The following CPEB3 variants were observed in gnomAD, a reference collection of about 807,000 sequenced individuals.
The protein encoded by CPEB3 is cytoplasmic polyadenylation element binding protein 3, also known as cytoplasmic polyadenylation element-binding protein 3.
In CPEB3, 20 loss-of-function variants were observed where a neutral mutation model predicts 67.2. The observed-to-expected ratio is 0.30, with a 90% CI of 0.21 to 0.43. The LOEUF is 0.43. Ranked by LOEUF, CPEB3 falls within the 20% of genes least tolerant of loss-of-function variation. The probability of loss-of-function intolerance (pLI) is 1.00; values close to 1 mark genes in which losing one functional copy is unlikely to be tolerated. For missense variants in CPEB3, 746 were observed against 968.6 expected, an observed-to-expected ratio of 0.77 and a Z score of 3.05; for synonymous variants, 376 against 393.1, an observed-to-expected ratio of 0.96 and a Z score of 0.51.
chr10:92,258,009 C>A (rs1263548108), intron 1 of CPEB3, among the ~76,000 whole-genome samples: 1 of 151,928 alleles, frequency 6.6e-6, no homozygotes, highest in African/African-American at 2.4e-5. Flanking sequence ...GGATTACAAG[C>A]GTGAGTTATC....
At chr10:92,140,634 T>C (rs1846359399) in intron 6 of CPEB3, among the ~76,000 whole-genome samples, 1 of 148,560 alleles carries the variant, frequency 6.7e-6, no homozygotes, top group East Asian at 2.0e-4. Context: ...ACAAATGGGA[T>C]CTAATTAAAC....
At chr10:92,142,086 T>G (rs1846462808) in intron 6 of CPEB3, among the ~76,000 whole-genome samples, 1 of 151,014 alleles carries the variant, frequency 6.6e-6, no homozygotes, top group Non-Finnish European at 1.5e-5. Context: ...TATATTAACT[T>G]ATTTTTGTGG....
At chr10:92,060,154 T>G (rs1204645689) in intron 9 of CPEB3, among the ~76,000 whole-genome samples, 1 of 151,816 alleles carries the variant, frequency 6.6e-6, no homozygotes, top group East Asian at 1.9e-4. Context: ...GTCAGGAATT[T>G]GAGACCAGCC....
At chr10:92,085,450 C>T (rs1232612963) in intron 8 of CPEB3, among the ~76,000 whole-genome samples, 7 of 152,108 alleles carry the variant, frequency 4.6e-5, no homozygotes, top group Non-Finnish European at 7.4e-5. Context: ...TTGTGATGAG[C>T]GTCACTGTGC....
chr10:92,234,650 C>T (rs1851439712), intron 2 of CPEB3, among the ~76,000 whole-genome samples: 2 of 152,046 alleles, frequency 1.3e-5, no homozygotes, highest in Non-Finnish European at 1.5e-5. Context: ...GATAATAGGC[C>T]GGGCACAGTG....
At chr10:92,188,958 T>C (rs1848829682) in intron 3 of CPEB3, among the ~76,000 whole-genome samples, 1 of 152,164 alleles carries the variant, frequency 6.6e-6, no homozygotes, top group Admixed American at 6.5e-5. Context: ...TTAAAGCTTA[T>C]TTACTTTACT....
chr10:92,175,624 G>C (rs566200225), intron 4 of CPEB3, among the ~76,000 whole-genome samples: 2 of 152,122 alleles, frequency 1.3e-5, no homozygotes, highest in African/African-American at 4.8e-5. Context: ...AGAAAGGCCA[G>C]TAGGATCCAA....
intron 2 of CPEB3, among the ~76,000 whole-genome samples, chr10:92,215,313 C>T (rs1175329270): frequency 1.3e-5 from 2 of 151,538 alleles, no homozygotes; most frequent in Non-Finnish European, 2.9e-5. Flanking sequence ...CCACTACACC[C>T]AGCTAATTTT....
intron 4 of CPEB3, among the ~76,000 whole-genome samples, chr10:92,155,105 A>T (rs969176900): frequency 6.6e-6 from 1 of 152,194 alleles, no homozygotes; most frequent in Non-Finnish European, 1.5e-5. Context: ...GCTATTTGGG[A>T]GGCTGAGGCA....
intron 1 of CPEB3, among the ~76,000 whole-genome samples, chr10:92,265,478 C>T (rs574204852): frequency 6.6e-6 from 1 of 151,958 alleles, no homozygotes; most frequent in African/African-American, 2.4e-5. Context: ...AAAGACAGGG[C>T]GGGCACGGTG....
chr10:92,285,374 G>A (rs1842480699), intron 1 of CPEB3, among the ~76,000 whole-genome samples: 1 of 152,130 alleles, frequency 6.6e-6, no homozygotes. Flanking sequence ...GGGTTCAAGT[G>A]ATTCTCCTGC....
chr10:92,186,207 A>C (rs12772879), intron 3 of CPEB3, among the ~76,000 whole-genome samples: 1 of 139,812 alleles, frequency 7.2e-6, no homozygotes, highest in African/African-American at 2.6e-5. Flanking sequence ...CCCTGTCTCC[A>C]CAAAAAAAAA....
intron 2 of CPEB3, among the ~76,000 whole-genome samples, chr10:92,226,225 G>A (rs1245531164): frequency 6.6e-6 from 1 of 152,152 alleles, no homozygotes; most frequent in Admixed American, 6.5e-5. Flanking sequence ...TTAAACTATT[G>A]AAGACTTTCC....
chr10:92,213,408 T>C (rs914358943), intron 2 of CPEB3, among the ~76,000 whole-genome samples: 1 of 152,224 alleles, frequency 6.6e-6, no homozygotes, highest in African/African-American at 2.4e-5. Flanking sequence ...ACAATGATGA[T>C]CGGTTTGAAA....
chr10:92,103,073 G>A (rs1182721629), intron 7 of CPEB3, among the ~76,000 whole-genome samples: 2 of 152,170 alleles, frequency 1.3e-5, no homozygotes, highest in Non-Finnish European at 2.9e-5. Context: ...AACATGTCCA[G>A]CAGCTGCTCT....
intron 3 of CPEB3, among the ~76,000 whole-genome samples, chr10:92,183,277 C>T (rs1210564470): frequency 6.6e-6 from 1 of 150,462 alleles, no homozygotes; most frequent in African/African-American, 2.5e-5. Context: ...TTAAAAGATA[C>T]ATGTACTGTA....
chr10:92,204,459 TAC>T (rs1335321998), intron 2 of CPEB3, among the ~76,000 whole-genome samples: 3 of 152,202 alleles, frequency 2.0e-5, no homozygotes, highest in Admixed American at 6.5e-5. Context: ...CTGCCCAGTG[TAC>T]ACACAGATTA....
intron 8 of CPEB3, among the ~76,000 whole-genome samples, chr10:92,082,825 G>A (rs1240781733): frequency 6.6e-5 from 10 of 152,154 alleles, no homozygotes; most frequent in Non-Finnish European, 1.3e-4. Flanking sequence ...TTGGAAAGGA[G>A]AAGACAGGGA....
In CPEB3 at chr10:92,053,995, T is replaced by C. The variant is rs1041472557; in HGVS notation, c.1870-1556A>G. 2.6e-5 allele frequency among the ~76,000 whole-genome samples: 4 copies of C among 152,206 alleles called. No homozygotes were observed. The South Asian group carries it at 6.2e-4, about 24-fold the overall frequency. The stretch of plus-strand genomic sequence containing the variant: ...GCCACCATGCCTGGTCGAAATAGTA[T>C]CTTATTGTGGTTTTGATTTGCATTT... On this transcript the variant is annotated intron_variant, in intron 9 of 9. Coordinates refer to ENST00000265997, the MANE Select transcript of CPEB3 (RefSeq NM_014912.5).
Sources: gnomAD v4.1 joint callset for allele counts (sites outside exome capture counted in the v4.1 genomes callset) on GRCh38, gnomAD v4.1.1 for gene constraint, MANE v1.5 for transcripts, NCBI Gene and HGNC (gene_info 2026-07-23, HGNC 2026-07-21) for gene names.